Variants in MAGI1 observed in about 807,000 individuals in gnomAD.
MAGI1 encodes the protein membrane associated guanylate kinase, WW and PDZ domain containing 1.
A neutral mutation model predicts 139.9 loss-of-function variants in MAGI1; 58 were observed. The observed-to-expected ratio is 0.41, with a 90% CI of 0.34 to 0.52. The LOEUF (loss-of-function observed/expected upper bound fraction) is 0.52. Among genes scored for constraint, MAGI1 ranks in the 20% least tolerant of loss-of-function variants. MAGI1 has a pLI of 0.12. For synonymous variants in MAGI1, 812 were observed against 737.9 expected, an observed-to-expected ratio of 1.10 and a Z score of -1.63; for missense variants, 1,874 against 1,901.6, an observed-to-expected ratio of 0.99 and a Z score of 0.27.
intron 1 of MAGI1, among the ~76,000 whole-genome samples, chr3:65,855,115 G>A (rs1007739559): frequency 6.6e-6 from 1 of 152,144 alleles, no homozygotes; most frequent in African/African-American, 2.4e-5. Context: ...ATCCGTGGGG[G>A]GCGGGGGTGA....
rs1948434804 is a variant in MAGI1, at chr3:65,442,775, T to G, written c.1136+17A>C. On this transcript the variant is annotated intron_variant, in intron 8 of 22. Coordinates refer to ENST00000402939, the MANE Select transcript of MAGI1 (RefSeq NM_001033057.2). ...GAGAGGTATAAACTAATGTGTGGAT[T>G]GTGAATGGGCACTTACTCTACATAG... 1.9e-6 allele frequency: 3 copies of G among 1,600,814 alleles called. No individual in the cohort carries two copies. The highest frequency in any genetic ancestry group is 1.7e-6 in the Non-Finnish European group (2 of 1,168,620).
chr3:66,034,209 C>T (rs1391021963), intron 1 of MAGI1, among the ~76,000 whole-genome samples: 1 of 142,332 alleles, frequency 7.0e-6, no homozygotes, highest in Non-Finnish European at 1.5e-5. Flanking sequence ...TAAGGTGGGG[C>T]CCAGGAATCT....
chr3:65,747,428 T>A (rs1037174555), intron 1 of MAGI1, among the ~76,000 whole-genome samples: 1 of 152,192 alleles, frequency 6.6e-6, no homozygotes, highest in Non-Finnish European at 1.5e-5. Flanking sequence ...AAAATTCCAC[T>A]CTTCTCACTA....
chr3:65,960,064 C>G (rs548574783), intron 1 of MAGI1, among the ~76,000 whole-genome samples: 8 of 151,970 alleles, frequency 5.3e-5, no homozygotes, highest in Non-Finnish European at 7.4e-5. Flanking sequence ...GCCTCAGCCT[C>G]CCAAAGAGTT....
intron 5 of MAGI1, among the ~76,000 whole-genome samples, chr3:65,461,270 C>T (rs1222910414): frequency 2.0e-5 from 3 of 150,276 alleles, no homozygotes; most frequent in Non-Finnish European, 4.4e-5. Flanking sequence ...GGCTGGTGTG[C>T]AGTGACACGA....
chr3:65,947,397 C>G (rs953069711), intron 1 of MAGI1, among the ~76,000 whole-genome samples: 1 of 151,974 alleles, frequency 6.6e-6, no homozygotes, highest in Non-Finnish European at 1.5e-5. Flanking sequence ...TACAATCAAC[C>G]TAAAATGGAG....
intron 2 of MAGI1, among the ~76,000 whole-genome samples, chr3:65,510,417 A>T (rs2107747782): frequency 6.7e-6 from 1 of 149,252 alleles, no homozygotes; most frequent in East Asian, 2.0e-4. Flanking sequence ...AAAAATTTAG[A>T]AGAATGTATA....
At chr3:65,377,109 G>C (rs1488027942) in intron 17 of MAGI1, among the ~76,000 whole-genome samples, 1 of 152,166 alleles carries the variant, frequency 6.6e-6, no homozygotes, top group Admixed American at 6.5e-5. Context: ...AACTGAGTAG[G>C]CTCTTCTGTC....
chr3:65,906,493 T>G (rs2108647172), intron 1 of MAGI1, among the ~76,000 whole-genome samples: 1 of 152,344 alleles, frequency 6.6e-6, no homozygotes, highest in East Asian at 1.9e-4. Context: ...GGCCCATTCC[T>G]GCCCTCCACA....
At chr3:65,696,724 T>C (rs902821972) in intron 1 of MAGI1, among the ~76,000 whole-genome samples, 1 of 152,142 alleles carries the variant, frequency 6.6e-6, no homozygotes. Flanking sequence ...CAAAAATTAA[T>C]GTATCACACC....
chr3:65,670,317 TAC>T (rs1163042224), intron 1 of MAGI1, among the ~76,000 whole-genome samples: 5 of 149,080 alleles, frequency 3.4e-5, no homozygotes, highest in African/African-American at 1.2e-4. Context: ...TATGTATACA[TAC>T]ACACATATAT....
chr3:65,950,713 C>T (rs188510246), intron 1 of MAGI1, among the ~76,000 whole-genome samples: 7 of 152,250 alleles, frequency 4.6e-5, no homozygotes, highest in African/African-American at 1.7e-4. Flanking sequence ...ATGCTACCCC[C>T]CACTGGTCGG....
In MAGI1 at chr3:65,617,715, C is replaced by T. The variant is rs1025459567; in HGVS notation, c.430+4257G>A. Among the ~76,000 whole-genome samples the T allele has an allele frequency of 1.1e-4, 16 of 152,014 alleles. No homozygotes were observed. In the South Asian group the frequency reaches 1.2e-3, roughly 12 times the overall value. On this transcript the variant is annotated intron_variant, in intron 2 of 22. Coordinates refer to ENST00000402939, the MANE Select transcript of MAGI1 (RefSeq NM_001033057.2). Reference sequence around the variant, plus strand: ...TCTGACCTTCCTTATATTCTGAAAGCGTTATGGTCAAAGCAATTCTGCTGT... The same window carrying T: ...TCTGACCTTCCTTATATTCTGAAAGTGTTATGGTCAAAGCAATTCTGCTGT...
intron 1 of MAGI1, among the ~76,000 whole-genome samples, chr3:65,736,412 A>G (rs1242554758): frequency 6.6e-6 from 1 of 152,174 alleles, no homozygotes; most frequent in Non-Finnish European, 1.5e-5. Context: ...GAAGAAGTTT[A>G]TTTATAGGAA....
At chr3:65,714,987 T>C (rs545774398) in intron 1 of MAGI1, among the ~76,000 whole-genome samples, 38 of 149,650 alleles carry the variant, frequency 2.5e-4, no homozygotes, top group African/African-American at 8.6e-4. Context: ...GGACAAAGGA[T>C]GGTGACAAAG....
intron 2 of MAGI1, among the ~76,000 whole-genome samples, chr3:65,531,828 C>T (rs2078727115): frequency 6.6e-6 from 1 of 152,214 alleles, no homozygotes; most frequent in South Asian, 2.1e-4. Flanking sequence ...ACCTATAGCA[C>T]ACAGTTATTA....
chr3:65,652,171 ACT>A (rs1274907290), intron 1 of MAGI1, among the ~76,000 whole-genome samples: 1 of 152,218 alleles, frequency 6.6e-6, no homozygotes, highest in African/African-American at 2.4e-5. Context: ...ATATTTTTAA[ACT>A]CTGATTATCA....
chr3:65,894,468 G>A (rs1452246781), intron 1 of MAGI1, among the ~76,000 whole-genome samples: 1 of 152,122 alleles, frequency 6.6e-6, no homozygotes, highest in African/African-American at 2.4e-5. Context: ...TATGCTAAAA[G>A]GATATCCAAA....
intron 2 of MAGI1, among the ~76,000 whole-genome samples, chr3:65,587,779 G>C (rs1254444844): frequency 6.6e-6 from 1 of 152,094 alleles, no homozygotes; most frequent in Non-Finnish European, 1.5e-5. Context: ...AAGGTGCCCA[G>C]CCTACTTTAC....
Sources: gnomAD v4.1 joint callset for allele counts (sites outside exome capture counted in the v4.1 genomes callset) on GRCh38, gnomAD v4.1.1 for gene constraint, MANE v1.5 for transcripts, NCBI Gene and HGNC (gene_info 2026-07-23, HGNC 2026-07-21) for gene names.